The following TDRD9 variants were observed in gnomAD, a reference collection of about 807,000 sequenced individuals.
TDRD9 encodes the protein ATP-dependent RNA helicase TDRD9.
A neutral mutation model predicts 172.6 loss-of-function variants in TDRD9; 124 were observed. The observed-to-expected ratio is 0.72, with a 90% CI of 0.62 to 0.83. The LOEUF (loss-of-function observed/expected upper bound fraction) is 0.83. Ranked by LOEUF, TDRD9 falls within the 40% of genes least tolerant of loss-of-function variation. TDRD9 has a pLI of 0.00. For synonymous variants in TDRD9, 619 were observed against 617.1 expected, an observed-to-expected ratio of 1.00 and a Z score of -0.05; for missense variants, 1,479 against 1,714.1, an observed-to-expected ratio of 0.86 and a Z score of 2.42.
At position 104,031,213 on chromosome 14, in the gene TDRD9, A is replaced by T; in HGVS notation, c.3388A>T (p.Ile1130Phe). The change falls in exon 29 of 36, where the codon ATT (isoleucine) becomes TTT (phenylalanine). Residue 1130 changes from isoleucine (I) to phenylalanine (F), a missense_variant. Physicochemically the swap from Ile to Phe is conservative, Grantham distance 21. Transcript: ENST00000409874. ...MKDDEKYLIR[I>F]LLESFSTNKL... ...AGACGACGAGAAATATCTCATCCGG[A>T]TTTTGTTAGAGAGCTTTTCTACCAA... The T allele has an allele frequency of 8.4e-6, 13 of 1,551,854 alleles. No homozygotes were observed. The highest frequency in any genetic ancestry group is 1.1e-5 in the Non-Finnish European group (13 of 1,146,982).
At chr14:103,994,978 A>G (rs1222012679) in intron 11 of TDRD9, among the ~76,000 whole-genome samples, 3 of 146,088 alleles carry the variant, frequency 2.1e-5, no homozygotes, top group Non-Finnish European at 4.6e-5. Context: ...AAAAAAAATC[A>G]CATTTCAGCA....
At chr14:103,993,609 G>A (rs561658459) in intron 9 of TDRD9, among the ~76,000 whole-genome samples, 2 of 152,148 alleles carry the variant, frequency 1.3e-5, no homozygotes, top group South Asian at 2.1e-4. Flanking sequence ...GGTAGTGGCC[G>A]TCAGTCCCTA....
At chr14:103,992,874 G>C (rs1340554390) in intron 9 of TDRD9, among the ~76,000 whole-genome samples, 2 of 129,316 alleles carry the variant, frequency 1.5e-5, no homozygotes, top group Non-Finnish European at 3.1e-5. Flanking sequence ...GCAGTGAGCC[G>C]AGATCACGCC....
chr14:103,995,565 T>C (rs932504279), intron 11 of TDRD9, among the ~76,000 whole-genome samples, 185 bp from the exon 12 acceptor site: 2 of 152,234 alleles, frequency 1.3e-5, no homozygotes, highest in Admixed American at 1.3e-4. Flanking sequence ...GTGGCTGGTT[T>C]CCATTCATCA....
chr14:103,941,249 G>A, intron 1 of TDRD9: 1 of 951,592 alleles, frequency 1.1e-6, no homozygotes, highest in South Asian at 1.8e-5. Context: ...TTCTAGTAAA[G>A]AAATTTTAAA....
intron 19 of TDRD9, 78 bp downstream of exon 19, chr14:104,007,282 C>G: frequency 2.1e-6 from 3 of 1,401,448 alleles, no homozygotes; most frequent in Non-Finnish European, 3.0e-6. Context: ...ACAGTCATAG[C>G]GTGTGAATCA....
At chr14:104,033,620 A>T (rs913232594) in intron 30 of TDRD9, among the ~76,000 whole-genome samples, 1 of 152,066 alleles carries the variant, frequency 6.6e-6, no homozygotes, top group Non-Finnish European at 1.5e-5. Flanking sequence ...GATGCAGGTG[A>T]TGGCCCTTAT....
chr14:103,989,608 T>C (rs1013578190), intron 8 of TDRD9, among the ~76,000 whole-genome samples: 1 of 152,232 alleles, frequency 6.6e-6, no homozygotes, highest in African/African-American at 2.4e-5. Context: ...TCAGTATCTT[T>C]TTCATGATGG....
In TDRD9 at chr14:103,991,168, C is replaced by T; in HGVS notation, c.1124C>T (p.Ala375Val). Reference sequence around the variant, plus strand: ...CATCACATTTTTAACAGGAACAAGGCTTGGTCGGGGGCCCAGTTTGTGTTG... The same window carrying T: ...CATCACATTTTTAACAGGAACAAGGTTTGGTCGGGGGCCCAGTTTGTGTTG... ...DLDMKESGNK[A>V]WSGAQFVLER... Residue 375 changes from alanine (A) to valine (V), a missense_variant, in exon 9 of 36, where the codon GCT becomes GTT. Coordinates refer to ENST00000409874, the MANE Select transcript of TDRD9 (RefSeq NM_153046.3). The T allele has an allele frequency of 6.2e-7, 1 of 1,613,976 alleles. No individual in the cohort carries two copies. The highest frequency in any genetic ancestry group is 8.5e-7 in the Non-Finnish European group (1 of 1,179,874).
At chr14:103,932,184 C>T (rs1028118293) in intron 1 of TDRD9, among the ~76,000 whole-genome samples, 1 of 152,152 alleles carries the variant, frequency 6.6e-6, no homozygotes, top group Non-Finnish European at 1.5e-5. Context: ...TATGTTTTTG[C>T]GATTTGTTGA....
chr14:103,976,130 G>A (rs2033230469), intron 7 of TDRD9, among the ~76,000 whole-genome samples: 1 of 152,014 alleles, frequency 6.6e-6, no homozygotes, highest in African/African-American at 2.4e-5. Flanking sequence ...AGAATGTGTG[G>A]TATTTATCTT....
At chr14:103,972,698 A>G (rs922694513) in intron 6 of TDRD9, among the ~76,000 whole-genome samples, 2 of 152,160 alleles carry the variant, frequency 1.3e-5, no homozygotes, top group African/African-American at 4.8e-5. Context: ...ACCATAAAGC[A>G]TTTTGTCTTC....
In TDRD9 at chr14:104,052,173, C is replaced by T. The variant is rs1001983166; in HGVS notation, c.*91C>T. The T allele has an allele frequency of 3.5e-6, 3 of 854,868 alleles. No homozygotes were observed. Among genetic ancestry groups the T allele is most frequent in the Middle Eastern group, 3.0e-4 (1 of 3,332 alleles). 53.0% of individuals were successfully genotyped at this position (854,868 alleles called of 1,614,324 possible). ...TCCGCAGACTGACTTTCCTCTGTGTCTGGGTGTTACAGTCTGTGCCCACTG... is the reference window on the plus strand; with the variant it reads ...TCCGCAGACTGACTTTCCTCTGTGTTTGGGTGTTACAGTCTGTGCCCACTG... On this transcript the variant is annotated 3_prime_UTR_variant, in exon 36 of 36. Transcript: ENST00000409874.
chr14:104,020,705 C>A (rs1433914811), intron 23 of TDRD9, among the ~76,000 whole-genome samples: 2 of 152,158 alleles, frequency 1.3e-5, no homozygotes, highest in Non-Finnish European at 2.9e-5. Context: ...TTCCAAACTG[C>A]TCAAGGTGTA....
At chr14:103,990,079 C>T (rs970993324) in intron 8 of TDRD9, among the ~76,000 whole-genome samples, 7 of 152,220 alleles carry the variant, frequency 4.6e-5, no homozygotes, top group East Asian at 1.9e-4. Context: ...ACCAGATGGA[C>T]GGCCTCACCT....
chr14:103,995,353 T>C (rs1398269579), intron 11 of TDRD9, among the ~76,000 whole-genome samples: 1 of 152,192 alleles, frequency 6.6e-6, no homozygotes, highest in Admixed American at 6.5e-5. Context: ...CCCCCTTGAT[T>C]GCTTTGGAAT....
intron 6 of TDRD9, among the ~76,000 whole-genome samples, chr14:103,974,570 G>A (rs966783523): frequency 6.6e-6 from 1 of 152,146 alleles, no homozygotes; most frequent in African/African-American, 2.4e-5. Context: ...TCTAGATCCC[G>A]TTTTCTTTGC....
At position 104,024,569 on chromosome 14, in the gene TDRD9, G is replaced by A; in HGVS notation, c.2607G>A (p.Arg869=). The change falls in exon 25 of 36, where the codon AGG becomes AGA. Residue 869 remains arginine (R), a splice_region_variant and synonymous_variant. Transcript: ENST00000409874. ...TTTAATAAAAATTCGTATTATGTAG[G>A]GTGAATGTGGACTTCCAGAAGCAGA... is the stretch of plus-strand genomic sequence containing the variant. ...GMNVSKLRNT[R]VNVDFQKQTV... 6.3e-7 allele frequency: 1 copy of A among 1,586,156 alleles called. No individual in the cohort carries two copies. Among genetic ancestry groups the A allele is most frequent in the East Asian group, 2.3e-5 (1 of 44,436 alleles).
chr14:103,953,078 G>T (rs79683637), intron 1 of TDRD9, among the ~76,000 whole-genome samples: 1,597 of 152,214 alleles, frequency 0.01, 10 homozygotes, highest in Middle Eastern at 0.017. Flanking sequence ...TCTTTCAGAT[G>T]ATCACCTGCT....
Sources: gnomAD v4.1 joint callset for allele counts (sites outside exome capture counted in the v4.1 genomes callset) on GRCh38, gnomAD v4.1.1 for gene constraint, MANE v1.5 for transcripts, NCBI Gene and HGNC (gene_info 2026-07-23, HGNC 2026-07-21) for gene names.